ALPK1: variants seen among roughly 807,000 people sequenced by gnomAD.
The protein encoded by ALPK1 is alpha kinase 1.
ALPK1 carries 110 observed loss-of-function variants against 120.6 expected under a neutral mutation model. The ratio of observed to expected loss-of-function variants is 0.91; its 90% confidence interval spans 0.78 to 1.07. ALPK1 has a LOEUF of 1.07. Among genes scored for constraint, ALPK1 ranks in the 50% least tolerant of loss-of-function variants. The pLI, the probability that ALPK1 is intolerant of heterozygous loss-of-function variation, is 0.00. For missense variants in ALPK1, 1,498 were observed against 1,483.9 expected, an observed-to-expected ratio of 1.01 and a Z score of -0.16; for synonymous variants, 582 against 560.3, an observed-to-expected ratio of 1.04 and a Z score of -0.55.
intron 2 of ALPK1, among the ~76,000 whole-genome samples, chr4:112,351,289 AG>A (rs1455286112): frequency 1.3e-5 from 2 of 152,138 alleles, no homozygotes; most frequent in Non-Finnish European, 1.5e-5. Flanking sequence ...TGGACAGAGG[AG>A]GGTGGGACAC....
chr4:112,371,023 A>G (rs1036271298), intron 2 of ALPK1, among the ~76,000 whole-genome samples: 1 of 152,202 alleles, frequency 6.6e-6, no homozygotes, highest in Non-Finnish European at 1.5e-5. Flanking sequence ...TTGTCCACTC[A>G]GTTTTGAGCT....
intron 2 of ALPK1, among the ~76,000 whole-genome samples, chr4:112,364,287 G>A (rs1731043206): frequency 6.6e-6 from 1 of 151,416 alleles, no homozygotes; most frequent in Admixed American, 6.6e-5. Context: ...GGTTCTTTGA[G>A]AAAATAAATA....
chr4:112,387,248 T>A (rs1316648480), intron 4 of ALPK1, among the ~76,000 whole-genome samples: 1 of 152,172 alleles, frequency 6.6e-6, no homozygotes, highest in African/African-American at 2.4e-5. Flanking sequence ...AAATGTCTAG[T>A]GAATTAAAAT....
At chr4:112,417,256 T>C (rs1048735656) in intron 5 of ALPK1, among the ~76,000 whole-genome samples, 1 of 152,152 alleles carries the variant, frequency 6.6e-6, no homozygotes, top group South Asian at 2.1e-4. Context: ...AAATTGAACT[T>C]AGAATGAAGA....
At chr4:112,440,520 AT>A (rs34708265) in intron 14 of ALPK1, among the ~76,000 whole-genome samples, 43,866 of 151,978 alleles carry the variant, frequency 0.29, 6,674 homozygotes, top group East Asian at 0.42. Context: ...CTCAATAAAT[AT>A]TTGTTGAATG....
At chr4:112,354,889 T>C (rs1730532997) in intron 2 of ALPK1, among the ~76,000 whole-genome samples, 1 of 152,218 alleles carries the variant, frequency 6.6e-6, no homozygotes, top group East Asian at 1.9e-4. Context: ...CAGGAATGTC[T>C]TTATTATTCT....
intron 1 of ALPK1, among the ~76,000 whole-genome samples, chr4:112,308,179 C>T (rs911495107): frequency 1.3e-5 from 2 of 152,100 alleles, no homozygotes; most frequent in African/African-American, 2.4e-5. Context: ...CCGCCCTTAA[C>T]ATTTTTTCCT....
chr4:112,327,843 A>C (rs1346875928), intron 2 of ALPK1, among the ~76,000 whole-genome samples: 1 of 152,186 alleles, frequency 6.6e-6, no homozygotes, highest in Non-Finnish European at 1.5e-5. Context: ...CTTTTTCACT[A>C]TTACCTTTTA....
intron 1 of ALPK1, among the ~76,000 whole-genome samples, chr4:112,310,067 A>G (rs990192029): frequency 1.3e-5 from 2 of 152,106 alleles, no homozygotes; most frequent in African/African-American, 4.8e-5. Flanking sequence ...AGCCCAATGC[A>G]TGACACATTG....
intron 2 of ALPK1, chr4:112,357,031 G>A (rs558998043): frequency 1.2e-5 from 10 of 814,548 alleles, no homozygotes; most frequent in South Asian, 9.9e-5. Flanking sequence ...AGTTCAGCGC[G>A]GACCCCACCA....
At chr4:112,354,602 G>T (rs578075962) in intron 2 of ALPK1, among the ~76,000 whole-genome samples, 1 of 152,218 alleles carries the variant, frequency 6.6e-6, no homozygotes, top group Admixed American at 6.5e-5. Context: ...CAAGTAGCTA[G>T]GATTACAAGC....
At position 112,425,765 on chromosome 4, in the gene ALPK1, A is replaced by C. The variant is rs895296020; in HGVS notation, c.622+14A>C. Reference sequence around the variant, plus strand: ...TGCAAAAGCTGGGTACAATCATGTAAAACTTGCATTTCTCAAGGCTCATTT... The same window carrying C: ...TGCAAAAGCTGGGTACAATCATGTACAACTTGCATTTCTCAAGGCTCATTT... On this transcript the variant is annotated intron_variant, in intron 7 of 15. Coordinates refer to ENST00000650871, the MANE Select transcript of ALPK1 (RefSeq NM_025144.4). The C allele has an allele frequency of 1.9e-6, 3 of 1,603,800 alleles. No homozygotes were observed. In the African/African-American group the frequency reaches 4.0e-5, roughly 21 times the overall value.
chr4:112,303,839 T>G (rs1727899501), intron 1 of ALPK1, among the ~76,000 whole-genome samples: 1 of 152,126 alleles, frequency 6.6e-6, no homozygotes. Context: ...TGTGTTGGTG[T>G]GCTGCACCCA....
chr4:112,431,795 T>C lies in ALPK1; in HGVS notation c.2248T>C (p.Phe750Leu), dbSNP rs778738649. The C allele has an allele frequency of 4.3e-6, 7 of 1,614,048 alleles. No homozygotes were observed. Among genetic ancestry groups the C allele is most frequent in the Non-Finnish European group, 5.9e-6 (7 of 1,180,008 alleles). The change falls in exon 11 of 16, where the codon TTT becomes CTT. Residue 750 changes from phenylalanine to leucine, a missense_variant. Physicochemically the swap from Phe to Leu is conservative, Grantham distance 22. Coordinates refer to ENST00000650871, the MANE Select transcript of ALPK1 (RefSeq NM_025144.4). ...KEEAFEIIVEFPETNCDVKDR... is the reference protein window; with the variant it reads ...KEEAFEIIVELPETNCDVKDR... ...AGAAGCCTTTGAAATAATTGTTGAG[T>C]TTCCAGAAACCAACTGCGATGTCAA... is the stretch of plus-strand genomic sequence containing the variant.
At chr4:112,308,350 C>G (rs1202269511) in intron 1 of ALPK1, among the ~76,000 whole-genome samples, 7 of 152,100 alleles carry the variant, frequency 4.6e-5, no homozygotes, top group Non-Finnish European at 8.8e-5. Flanking sequence ...TGTTTTCCAA[C>G]TTGGTTCCAT....
chr4:112,422,088 T>C (rs1734021643), intron 5 of ALPK1, among the ~76,000 whole-genome samples: 1 of 152,174 alleles, frequency 6.6e-6, no homozygotes, highest in Admixed American at 6.5e-5. Flanking sequence ...GACTAATGGG[T>C]GATCATCGTA....
chr4:112,319,323 T>C (rs1160099121), intron 2 of ALPK1, among the ~76,000 whole-genome samples: 1 of 152,192 alleles, frequency 6.6e-6, no homozygotes, highest in Non-Finnish European at 1.5e-5. Flanking sequence ...AGAACCAGCA[T>C]TGTTTGCAAG....
At chr4:112,441,129 G>C (rs755955813) in intron 15 of ALPK1, 24 bp downstream of exon 15, 1 of 1,613,932 alleles carries the variant, frequency 6.2e-7, no homozygotes, top group African/African-American at 1.3e-5. Context: ...TGTATGGATT[G>C]GTAATGTGAC....
intron 1 of ALPK1, among the ~76,000 whole-genome samples, chr4:112,300,284 A>G (rs917313166): frequency 1.3e-5 from 2 of 152,154 alleles, no homozygotes; most frequent in Non-Finnish European, 2.9e-5. Flanking sequence ...ATATTCTAAA[A>G]GTGATTGTTG....
Sources: gnomAD v4.1 joint callset for allele counts (sites outside exome capture counted in the v4.1 genomes callset) on GRCh38, gnomAD v4.1.1 for gene constraint, MANE v1.5 for transcripts, NCBI Gene and HGNC (gene_info 2026-07-23, HGNC 2026-07-21) for gene names.